CILK1: variants seen among roughly 807,000 people sequenced by gnomAD.
The protein encoded by CILK1 is ciliogenesis associated kinase 1.
Under a neutral mutation model 79.2 loss-of-function variants are expected in CILK1, and 47 were observed. The ratio of observed to expected loss-of-function variants is 0.59; its 90% CI spans 0.47 to 0.76. The LOEUF is 0.76. Among genes scored for constraint, CILK1 ranks in the 30% least tolerant of loss-of-function variants. The pLI is 0.00. For synonymous variants in CILK1, 266 were observed against 275.9 expected (o/e 0.96, Z 0.36); for missense variants, 660 against 769.5 (o/e 0.86, Z 1.68).
Position 53,041,320 on chromosome 6 carries a change from C to G in CILK1, c.-84G>C, listed in dbSNP as rs540251041. 1 of 909,248 alleles carries G rather than the reference C, an allele frequency of 1.1e-6. No homozygotes were observed. Among genetic ancestry groups the G allele is most frequent in the African/African-American group, 1.6e-5 (1 of 61,790 alleles). The allele number at this position is 909,248 out of a possible 1,614,324, so 56.3% of individuals were successfully genotyped here. ...GGTAGCAGTCCTCCCCAGAGTGTAA[C>G]CAGATTTTTCGATGGCAGCACCAGC... On this transcript the variant is annotated 5_prime_UTR_variant, in exon 2 of 14. Transcript: ENST00000676107.
chr6:53,013,789 T>C lies in CILK1; in HGVS notation c.1025A>G (p.Gln342Arg). The change falls in exon 9 of 14, where the codon CAG (glutamine) becomes CGG (arginine). Residue 342 changes from glutamine to arginine, a missense_variant. By Grantham distance (43) the Gln-to-Arg change is conservative. Transcript: ENST00000676107. ...GGGGTACGTGAGATGCAGAGGGGGC[T>C]GGCTGGCTTGATGCTGTCGTGAAGA... The part of the protein sequence containing the change: ...RISSRQHQAS[Q>R]PPLHLTYPYK... 1 of 1,614,134 alleles carries C rather than the reference T, an allele frequency of 6.2e-7. No homozygotes were observed. Among genetic ancestry groups the C allele is most frequent in the Non-Finnish European group, 8.5e-7 (1 of 1,180,028 alleles).
chr6:53,057,885 C>G (rs918001707), intron 1 of CILK1: 1 of 152,044 alleles, frequency 6.6e-6, no homozygotes, highest in Non-Finnish European at 1.5e-5. Context: ...CCACGTGCTC[C>G]TTGGTAAAAA....
intron 3 of CILK1, 87 bp downstream of exon 3, chr6:53,037,852 T>C (rs1274332464): frequency 2.5e-6 from 2 of 815,404 alleles, no homozygotes; most frequent in East Asian, 5.2e-5. Context: ...AAAATTCAAA[T>C]GAAATGACTA....
At position 53,005,154 on chromosome 6, in the gene CILK1, G is replaced by A. The variant is rs376111440; in HGVS notation, c.1894C>T (p.Arg632Ter). 40 of 1,613,970 alleles carry A rather than the reference G, an allele frequency of 2.5e-5. No individual in the cohort carries two copies. In the East Asian group the frequency reaches 2.7e-4, roughly 11 times the overall value. The stretch of plus-strand genomic sequence containing the variant: ...TTCATCACCAAGGCAGACAGTCATC[G>A]CCGAGATGCGTACTTGGAAGCCCAG... ...TDWASKYASRR is the reference protein window; with the variant it reads ...TDWASKYASR Residue 632 changes from arginine (R) to a stop codon, truncating the protein, a stop_gained, in exon 14 of 14, where the codon CGA (arginine) becomes TGA (stop). Coordinates refer to ENST00000676107, the MANE Select transcript of CILK1 (RefSeq NM_014920.5). LOFTEE classifies it high-confidence loss of function.
At position 53,018,438 on chromosome 6, in the gene CILK1, C is replaced by T. The variant is rs138668959; in HGVS notation, c.555G>A (p.Ala185=). 361 of 1,614,118 alleles carry T rather than the reference C, an allele frequency of 2.2e-4. 2 individuals are homozygous for T. The Admixed American group carries it at 5.1e-3, about 23-fold the overall frequency. ...TNYSSPIDVW[A]VGCIMAEVYT... is the part of the protein sequence containing the mutation. Reference sequence around the variant, plus strand: ...AAACTTCTGCCATGATGCAGCCCACCGCCCAGACGTCAATGGGGGAGCTGT... The same window carrying T: ...AAACTTCTGCCATGATGCAGCCCACTGCCCAGACGTCAATGGGGGAGCTGT... The change falls in exon 7 of 14, where the codon GCG becomes GCA. Residue 185 remains alanine, a synonymous_variant. Transcript: ENST00000676107.
rs1764069199 is a variant in CILK1 at position 53,003,872 on chromosome 6, G to A, written c.*1277C>T. 1 of 152,606 alleles carries A rather than the reference G, an allele frequency of 6.6e-6. No individual in the cohort carries two copies. The highest frequency in any genetic ancestry group is 2.1e-4 in the South Asian group (1 of 4,824). The allele number at this position is 152,606 out of a possible 1,614,324, so 9.5% of individuals were successfully genotyped here. ...TTCACTGATGGTGACCTTCCCTCTT[G>A]CCTTTAAGGCAACCATAAGTGAGGC... On this transcript the variant is annotated 3_prime_UTR_variant, in exon 14 of 14. Coordinates refer to ENST00000676107, the MANE Select transcript of CILK1 (RefSeq NM_014920.5).
At chr6:53,028,176 C>A (rs1034960715) in intron 5 of CILK1, among the ~76,000 whole-genome samples, 20 of 139,850 alleles carry the variant, frequency 1.4e-4, no homozygotes, top group South Asian at 1.1e-3. Flanking sequence ...ATTAGCCGGG[C>A]GTGGTGGCAT....
intron 3 of CILK1, among the ~76,000 whole-genome samples, chr6:53,037,086 A>G (rs988362450): frequency 6.6e-6 from 1 of 152,172 alleles, no homozygotes; most frequent in Admixed American, 6.5e-5. Flanking sequence ...CCTTTGGAGA[A>G]AAAGAAAGGG....
At chr6:53,021,948 A>G (rs1765271660) in intron 5 of CILK1, among the ~76,000 whole-genome samples, 1 of 152,084 alleles carries the variant, frequency 6.6e-6, no homozygotes, top group Admixed American at 6.6e-5. Flanking sequence ...GTGGAAGGCA[A>G]TGATACTCAT....
intron 4 of CILK1, among the ~76,000 whole-genome samples, chr6:53,032,078 C>A (rs561167603): frequency 6.6e-6 from 1 of 152,148 alleles, no homozygotes; most frequent in Non-Finnish European, 1.5e-5. Context: ...GGTGATCGCC[C>A]GCCTTGGCCT....
At chr6:53,038,062 A>C (rs926251471) in intron 2 of CILK1, 69 bp from the exon 3 acceptor site, 16 of 1,046,858 alleles carry the variant, frequency 1.5e-5, no homozygotes, top group Non-Finnish European at 2.2e-5. Context: ...CTTTTAGAAA[A>C]ATGCTTCCAT....
intron 1 of CILK1, among the ~76,000 whole-genome samples, chr6:53,061,231 G>A (rs1219528045): frequency 6.6e-6 from 1 of 152,178 alleles, no homozygotes; most frequent in Non-Finnish European, 1.5e-5. Context: ...GTAAAAAATG[G>A]TTGCAAATAA....
Position 53,061,155 on chromosome 6 carries a change from G to T in CILK1, c.-173+441C>A, listed in dbSNP as rs939301400. On this transcript the variant is annotated intron_variant, in intron 1 of 13. Transcript: ENST00000676107. Reference sequence around the variant, plus strand: ...AAGAATCAGTTGTTCTGGAATATCCGTCAATATCCTTCTCATAACAGCTAC... The same window carrying T: ...AAGAATCAGTTGTTCTGGAATATCCTTCAATATCCTTCTCATAACAGCTAC... 5 of 152,176 alleles carry T rather than the reference G, an allele frequency of 3.3e-5. No homozygotes were observed. The East Asian group carries it at 7.7e-4, about 23-fold the overall frequency. The allele number at this position is 152,176 out of a possible 1,614,324, so 9.4% of individuals were successfully genotyped here. A position where few individuals can be genotyped will look rare whatever the true frequency, so the allele number is the denominator to read the frequency against.
chr6:53,041,169 C>T lies in CILK1; in HGVS notation c.68G>A (p.Ser23Asn), dbSNP rs752216774. The T allele has an allele frequency of 7.4e-6, 12 of 1,613,820 alleles. No individual in the cohort carries two copies. Among genetic ancestry groups the T allele is most frequent in the African/African-American group, 4.0e-5 (3 of 74,928 alleles). ...GTYGSVLLGR[S>N]IESGELIAIK... ...AGCGATCAGCTCCCCAGACTCAATG[C>T]TTCTTCCCAGCAGGACGGAACCGTA... The change falls in exon 2 of 14, where the codon AGC becomes AAC. Residue 23 changes from serine to asparagine, a missense_variant. Coordinates refer to ENST00000676107, the MANE Select transcript of CILK1 (RefSeq NM_014920.5).
At chr6:53,030,355 T>G (rs28533506) in intron 5 of CILK1, among the ~76,000 whole-genome samples, 1 of 152,216 alleles carries the variant, frequency 6.6e-6, no homozygotes, top group African/African-American at 2.4e-5. Flanking sequence ...AAAGGGTCCA[T>G]GAAAAAAGCT....
chr6:53,011,936 G>C lies in CILK1; in HGVS notation c.1344-19C>G. ...CTCAAACCTGAATGAAGAGAGCATG[G>C]CTTGGGTCAGCACGAGAGACAGTAT... On this transcript the variant is annotated intron_variant, in intron 10 of 13. Coordinates refer to ENST00000676107, the MANE Select transcript of CILK1 (RefSeq NM_014920.5). 1 of 1,614,156 alleles carries C rather than the reference G, an allele frequency of 6.2e-7. No homozygotes were observed. Among genetic ancestry groups the C allele is most frequent in the Non-Finnish European group, 8.5e-7 (1 of 1,180,012 alleles).
At chr6:53,034,427 G>A (rs1220000296) in intron 3 of CILK1, among the ~76,000 whole-genome samples, 1 of 152,214 alleles carries the variant, frequency 6.6e-6, no homozygotes, top group Non-Finnish European at 1.5e-5. Flanking sequence ...TTTCCAGAAA[G>A]AGGCATCTTA....
At chr6:53,033,535 T>A (rs1255122200) in intron 3 of CILK1, among the ~76,000 whole-genome samples, 1 of 42,408 alleles carries the variant, frequency 2.4e-5, no homozygotes, top group Non-Finnish European at 4.2e-5. Context: ...TTGGTTTGGA[T>A]AATCAGAATC....
At position 53,006,324 on chromosome 6, in the gene CILK1, G is replaced by T; in HGVS notation, c.1735C>A (p.Pro579Thr). Residue 579 changes from proline to threonine, a missense_variant, in exon 13 of 14, where the codon CCT (proline) becomes ACT (threonine). Transcript: ENST00000676107. The part of the protein sequence containing the change: ...QRVHLAPIPD[P>T]SPGYSSLKAM... ...TTAAAATACAACTCACCAGGGGAAGGGTCTGGAATAGGTGCTAGGTGTACC... is the reference window on the plus strand; with the variant it reads ...TTAAAATACAACTCACCAGGGGAAGTGTCTGGAATAGGTGCTAGGTGTACC... The T allele has an allele frequency of 6.2e-7, 1 of 1,613,680 alleles. No individual in the cohort carries two copies. Among genetic ancestry groups the T allele is most frequent in the Non-Finnish European group, 8.5e-7 (1 of 1,179,678 alleles).
Sources: allele counts gnomAD v4.1 joint callset (sites outside exome capture counted in the v4.1 genomes callset), GRCh38; gene constraint gnomAD v4.1.1; transcripts MANE v1.5; gene names NCBI Gene and HGNC (gene_info 2026-07-23, HGNC 2026-07-21).